The following KLRG1 variants were observed in gnomAD, a reference collection of about 807,000 sequenced individuals.
The protein encoded by KLRG1 is killer cell lectin-like receptor subfamily G member 1.
KLRG1 carries 16 observed loss-of-function variants against 21.8 expected under a neutral mutation model. The observed-to-expected ratio is 0.73, with a 90% CI of 0.50 to 1.11. The LOEUF (loss-of-function observed/expected upper bound fraction) is 1.11, where lower values mean the gene tolerates loss of function less well. Ranked by LOEUF, KLRG1 falls within the 50% of genes most tolerant of loss-of-function variation. The pLI is 0.00. For missense variants in KLRG1, 173 were observed against 218.3 expected, an observed-to-expected ratio of 0.79 and a Z score of 1.31; for synonymous variants, 69 against 75.9, an observed-to-expected ratio of 0.91 and a Z score of 0.47.
chr12:9,175,534 A>T, the KLRG1 span, among the ~76,000 whole-genome samples: 1 of 152,218 alleles, frequency 6.6e-6, no homozygotes, highest in Non-Finnish European at 1.5e-5. Context: ...CAACTTTAAG[A>T]ATGGGAGAAA....
At chr12:9,110,234 T>C in the KLRG1 span, 398 of 1,251,616 alleles carry the variant, frequency 3.2e-4, 2 homozygotes, top group South Asian at 5.0e-3. Context: ...TTCTGAGATA[T>C]TGTAAAAACC....
At chr12:9,172,879 G>A in the KLRG1 span, among the ~76,000 whole-genome samples, 1 of 152,156 alleles carries the variant, frequency 6.6e-6, no homozygotes, top group East Asian at 1.9e-4. Flanking sequence ...ATAATAGCGA[G>A]AGACTTTAAC....
the KLRG1 span, among the ~76,000 whole-genome samples, chr12:9,149,927 A>C: frequency 6.6e-5 from 10 of 151,962 alleles, no homozygotes; most frequent in Admixed American, 6.6e-4. Flanking sequence ...TGCTCCCTTA[A>C]TTACTTTTCA....
the KLRG1 span, chr12:9,149,699 G>T: frequency 1.7e-6 from 2 of 1,149,740 alleles, no homozygotes; most frequent in Non-Finnish European, 2.5e-6. Context: ...AGAAAAGCAC[G>T]CCCTATCAGA....
chr12:9,113,502 G>A, the KLRG1 span: 2 of 1,613,928 alleles, frequency 1.2e-6, no homozygotes, highest in African/African-American at 2.7e-5. Flanking sequence ...CTTCTCAGTG[G>A]TCTCAGTGTG....
the KLRG1 span, among the ~76,000 whole-genome samples, chr12:9,129,091 A>G: frequency 6.6e-6 from 1 of 152,210 alleles, no homozygotes. Context: ...ATCAAAAGAT[A>G]GTTTCAAGAA....
chr12:9,010,185 C>CA lies in KLRG1; in HGVS notation c.*648_*649insA. 1 of 422,562 alleles carries CA rather than the reference C, an allele frequency of 2.4e-6. No homozygotes were observed. 26.2% of individuals were successfully genotyped at this position (422,562 alleles called of 1,614,324 possible). A position where few individuals can be genotyped will look rare whatever the true frequency, so the allele number is the denominator to read the frequency against. Reference sequence around the variant, plus strand: ...TGGGAGATAGAGCAAGACTCCATCTCTAAAAAAAAAAAAAAATGCTAATGT... The same window carrying CA: ...TGGGAGATAGAGCAAGACTCCATCTCATAAAAAAAAAAAAAAATGCTAATGT... On this transcript the variant is annotated 3_prime_UTR_variant, in exon 5 of 5. Transcript: ENST00000356986.
At chr12:9,101,140 T>C in the KLRG1 span, 3 of 1,558,360 alleles carry the variant, frequency 1.9e-6, no homozygotes, top group Non-Finnish European at 2.6e-6. Context: ...ATGGAAATAC[T>C]CACTGTCTTC....
At chr12:9,179,951 A>G in the KLRG1 span, among the ~76,000 whole-genome samples, 1 of 152,220 alleles carries the variant, frequency 6.6e-6, no homozygotes, top group African/African-American at 2.4e-5. Flanking sequence ...CTTATCTTGA[A>G]CAAATCTCTC....
At chr12:9,045,211 A>G in the KLRG1 span, among the ~76,000 whole-genome samples, 5 of 152,234 alleles carry the variant, frequency 3.3e-5, no homozygotes, top group African/African-American at 4.8e-5. Context: ...CGGGCAAACC[A>G]TCACTCAGAA....
chr12:9,117,812 T>G, the KLRG1 span, among the ~76,000 whole-genome samples: 46,099 of 152,074 alleles, frequency 0.3, 7,868 homozygotes, highest in East Asian at 0.38. Context: ...ATAGTGTATT[T>G]TATTTAATCC....
the KLRG1 span, chr12:9,158,664 T>C: frequency 7.5e-7 from 1 of 1,342,002 alleles, no homozygotes; most frequent in Non-Finnish European, 1.0e-6. Flanking sequence ...CCCATCACAG[T>C]GTGCACCCAA....
the KLRG1 span, chr12:9,077,552 A>G: frequency 6.8e-7 from 1 of 1,465,392 alleles, no homozygotes; most frequent in African/African-American, 1.4e-5. Context: ...ATCACAATCA[A>G]CTTTTGTTCT....
chr12:9,149,698 C>A, the KLRG1 span: 7 of 1,166,522 alleles, frequency 6.0e-6, no homozygotes, highest in South Asian at 3.3e-5. Context: ...GAGAAAAGCA[C>A]GCCCTATCAG....
At chr12:9,007,731 A>G (rs1184146317) in intron 3 of KLRG1, among the ~76,000 whole-genome samples, 1 of 152,238 alleles carries the variant, frequency 6.6e-6, no homozygotes, top group Non-Finnish European at 1.5e-5. Flanking sequence ...TGGTGGTATC[A>G]TAATCACCAT....
intron 1 of KLRG1, among the ~76,000 whole-genome samples, chr12:8,951,566 C>T (rs921780362): frequency 6.6e-6 from 1 of 152,194 alleles, no homozygotes; most frequent in Non-Finnish European, 1.5e-5. Flanking sequence ...TGCTACTTAA[C>T]CAATGACATT....
chr12:8,955,243 A>G (rs1387226637), intron 1 of KLRG1, among the ~76,000 whole-genome samples: 1 of 152,068 alleles, frequency 6.6e-6, no homozygotes, highest in Non-Finnish European at 1.5e-5. Context: ...ATACAATTCA[A>G]TTTATTTTGA....
intron 1 of KLRG1, among the ~76,000 whole-genome samples, chr12:8,982,389 A>G (rs888488777): frequency 6.6e-6 from 1 of 152,206 alleles, no homozygotes; most frequent in Non-Finnish European, 1.5e-5. Context: ...ACTTTCCCAG[A>G]AGGAAATCAG....
the KLRG1 span, chr12:9,182,161 A>C: frequency 6.4e-7 from 1 of 1,574,644 alleles, no homozygotes; most frequent in Non-Finnish European, 8.6e-7. Context: ...TAAGTGAGAC[A>C]AAAAGGTCAT....
Sources: gnomAD v4.1 joint callset for allele counts (sites outside exome capture counted in the v4.1 genomes callset) on GRCh38, gnomAD v4.1.1 for gene constraint, MANE v1.5 for transcripts, NCBI Gene and HGNC (gene_info 2026-07-23, HGNC 2026-07-21) for gene names.